KIRREL3: variants seen among roughly 807,000 people sequenced by gnomAD.
KIRREL3 encodes kirre like nephrin family adhesion molecule 3, also known as kin of IRRE-like protein 3.
In KIRREL3, 36 loss-of-function variants were observed where a neutral mutation model predicts 89.7. The ratio of observed to expected loss-of-function variants is 0.40; its 90% CI spans 0.31 to 0.53. KIRREL3 has a LOEUF of 0.53. Ranked by LOEUF, KIRREL3 falls within the 20% of genes least tolerant of loss-of-function variation. KIRREL3 has a pLI of 0.49. For synonymous variants in KIRREL3, 445 were observed against 441.4 expected, an observed-to-expected ratio of 1.01 and a Z score of -0.10; for missense variants, 864 against 1,056.6, an observed-to-expected ratio of 0.82 and a Z score of 2.53.
rs1240973790 is a variant in KIRREL3, at chr11:126,424,218, C to T, written c.*362G>A. The T allele has an allele frequency of 3.1e-6, 1 of 327,462 alleles. No homozygotes were observed. The highest frequency in any genetic ancestry group is 2.1e-5 in the African/African-American group (1 of 47,746). The allele number at this position is 327,462 out of a possible 1,614,324, so 20.3% of individuals were successfully genotyped here. ...CGAGGGGTAGAGCCCACAGAGAGACCAGAGAGTGGACCGCAGTTTCATGAA... is the reference window on the plus strand; with the variant it reads ...CGAGGGGTAGAGCCCACAGAGAGACTAGAGAGTGGACCGCAGTTTCATGAA... On this transcript the variant is annotated 3_prime_UTR_variant, in exon 17 of 17. Transcript: ENST00000525144.
intron 6 of KIRREL3, among the ~76,000 whole-genome samples, chr11:126,457,467 A>C (rs993736839): frequency 6.6e-6 from 1 of 150,470 alleles, no homozygotes; most frequent in Non-Finnish European, 1.5e-5. Context: ...ACATGTGTAT[A>C]TGTGTGTATG....
At chr11:127,000,817 C>T (rs1565491591), upstream of KIRREL3, 12 of 485,066 alleles carry the variant, frequency 2.5e-5, no homozygotes, top group Admixed American at 3.7e-5. This position sits in a 1 kb window ranked among gnomAD's most constrained non-coding sequence, Gnocchi z 7.1. Flanking sequence ...GGGCTCCTCC[C>T]ACAGTGAGCG....
rs375828094 is a variant in KIRREL3, at chr11:126,733,012, A to T, written c.56-170100T>A. The stretch of plus-strand genomic sequence containing the variant: ...GGAAGATTGGTTCCCATTGTGAATA[A>T]GGAAAAAATGAGTCCTGGGGTTCTG... On this transcript the variant is annotated intron_variant, in intron 1 of 16. Coordinates refer to ENST00000525144, the MANE Select transcript of KIRREL3 (RefSeq NM_032531.4). Among the ~76,000 whole-genome samples the T allele has an allele frequency of 4.6e-5, 7 of 152,392 alleles. No homozygotes were observed. In the South Asian group the frequency reaches 1.4e-3, roughly 32 times the overall value.
chr11:126,617,890 A>T (rs1943416756), intron 1 of KIRREL3, among the ~76,000 whole-genome samples: 1 of 152,216 alleles, frequency 6.6e-6, no homozygotes, highest in African/African-American at 2.4e-5. Context: ...TGAACATGTG[A>T]ATCTCAGAGG....
chr11:126,923,056 T>C (rs1947418881), intron 1 of KIRREL3, among the ~76,000 whole-genome samples: 1 of 152,198 alleles, frequency 6.6e-6, no homozygotes, highest in African/African-American at 2.4e-5. Flanking sequence ...CCTCCTTCTC[T>C]GGATGTTTCT....
intron 1 of KIRREL3, among the ~76,000 whole-genome samples, chr11:126,613,910 C>A (rs1004299436): frequency 1.1e-4 from 12 of 113,488 alleles, no homozygotes; most frequent in African/African-American, 4.2e-4. Context: ...TTCCCCATAG[C>A]CTTTATCTAG....
intron 1 of KIRREL3, among the ~76,000 whole-genome samples, chr11:126,784,767 T>C (rs985373635): frequency 4.6e-5 from 7 of 152,216 alleles, no homozygotes; most frequent in African/African-American, 1.4e-4. Flanking sequence ...TTGGTAGTCC[T>C]ACGGTCAGAC....
intron 1 of KIRREL3, among the ~76,000 whole-genome samples, chr11:126,800,686 C>T (rs764590609): frequency 9.2e-5 from 14 of 152,162 alleles, no homozygotes; most frequent in Non-Finnish European, 2.1e-4. Flanking sequence ...CTTTCAGCTG[C>T]ATTAGTGAGG....
chr11:126,477,901 T>G lies in KIRREL3; in HGVS notation c.434-4435A>C, dbSNP rs1022153158. On this transcript the variant is annotated intron_variant, in intron 4 of 16. Coordinates refer to ENST00000525144, the MANE Select transcript of KIRREL3 (RefSeq NM_032531.4). The surrounding 1 kb of genome is among the most constrained non-coding windows in gnomAD (Gnocchi z 4.8). ...AGAACCTCATAGACACCCAGCCCTT[T>G]GGAGAGCAAGACTGGTTCTCATTTG... Among the ~76,000 whole-genome samples, 9 of 152,332 alleles carry G rather than the reference T, an allele frequency of 5.9e-5. No homozygotes were observed. Among genetic ancestry groups the G allele is most frequent in the Admixed American group, 4.6e-4 (7 of 15,306 alleles).
At chr11:126,846,224 A>G (rs1010964496) in intron 1 of KIRREL3, among the ~76,000 whole-genome samples, 2 of 152,134 alleles carry the variant, frequency 1.3e-5, no homozygotes, top group East Asian at 3.9e-4. Flanking sequence ...GGAGATCTGT[A>G]TTGCCTTCCA....
rs553635579 is a variant in KIRREL3 at position 126,682,713 on chromosome 11, C to T, written c.56-119801G>A. Among the ~76,000 whole-genome samples, 8 of 152,188 alleles carry T rather than the reference C, an allele frequency of 5.3e-5. No individual in the cohort carries two copies. Among genetic ancestry groups the T allele is most frequent in the South Asian group, 2.1e-4 (1 of 4,806 alleles). On this transcript the variant is annotated intron_variant, in intron 1 of 16. Coordinates refer to ENST00000525144, the MANE Select transcript of KIRREL3 (RefSeq NM_032531.4). The surrounding 1 kb of genome is among the most constrained non-coding windows in gnomAD (Gnocchi z 4.8). ...GCACACAGCCTAGATCCATCACATG[C>T]GCAGTTCACAACAGGGCTGGTGCTC...
chr11:126,869,497 T>C (rs999656856), intron 1 of KIRREL3, among the ~76,000 whole-genome samples: 3 of 152,178 alleles, frequency 2.0e-5, no homozygotes, highest in South Asian at 4.1e-4. Flanking sequence ...TGGTAGTCTT[T>C]AATAATTGAA....
chr11:126,446,750 C>G lies in KIRREL3; in HGVS notation c.1125+9G>C, dbSNP rs1340950557. ...CAGAGGTGCCCCGAGGTCTGAGCTG[C>G]AGCCTCACCACTCCGGAGCCCCGCT... On this transcript the variant is annotated intron_variant, in intron 9 of 16. Transcript: ENST00000525144. The G allele has an allele frequency of 1.3e-6, 2 of 1,596,264 alleles. No individual in the cohort carries two copies. Among genetic ancestry groups the G allele is most frequent in the African/African-American group, 2.7e-5 (2 of 74,720 alleles).
At chr11:126,857,049 C>T (rs1447882440) in intron 1 of KIRREL3, among the ~76,000 whole-genome samples, 2 of 152,230 alleles carry the variant, frequency 1.3e-5, no homozygotes, top group East Asian at 3.9e-4. Context: ...CATTTACGTG[C>T]ACCTATGAGG....
chr11:126,850,507 A>C (rs1944305678), intron 1 of KIRREL3, among the ~76,000 whole-genome samples: 1 of 152,140 alleles, frequency 6.6e-6, no homozygotes, highest in Non-Finnish European at 1.5e-5. Flanking sequence ...AGGTTCTCCC[A>C]ACTCCTCCTC....
chr11:126,983,970 ATAAT>A lies in KIRREL3; in HGVS notation c.55+16481_55+16484del, dbSNP rs1305160201. Among the ~76,000 whole-genome samples the A allele has an allele frequency of 6.6e-6, 1 of 152,190 alleles. No homozygotes were observed. Among genetic ancestry groups the A allele is most frequent in the Non-Finnish European group, 1.5e-5 (1 of 68,046 alleles). On this transcript the variant is annotated intron_variant, in intron 1 of 16. Transcript: ENST00000525144. The surrounding 1 kb of genome is among the most constrained non-coding windows in gnomAD (Gnocchi z 4.9). ...TAGTATCATTTTAGATGCATAGGAA[ATAAT>A]TTAATTCATTGCATGTAATGGATGC... is the stretch of plus-strand genomic sequence containing the variant.
Position 126,444,997 on chromosome 11 carries a change from C to T in KIRREL3, c.1234G>A (p.Val412Met). The T allele has an allele frequency of 6.2e-7, 1 of 1,613,762 alleles. No individual in the cohort carries two copies. The highest frequency in any genetic ancestry group is 8.5e-7 in the Non-Finnish European group (1 of 1,179,798). Reference sequence around the variant, plus strand: ...GTCTTACCATTGACGGTCAGGGTCACCTCTCTCTCCCCGGCTCCCACACGG... The same window carrying T: ...GTCTTACCATTGACGGTCAGGGTCATCTCTCTCTCCCCGGCTCCCACACGG... ...VPRVGAGERE[V>M]TLTVNGPPII... Residue 412 changes from valine to methionine, a missense_variant, in exon 10 of 17, where the codon GTG becomes ATG. By Grantham distance (21) the Val-to-Met change is conservative (BLOSUM62 1). Coordinates refer to ENST00000525144, the MANE Select transcript of KIRREL3 (RefSeq NM_032531.4).
At chr11:126,596,493 G>C (rs1289324466) in intron 1 of KIRREL3, among the ~76,000 whole-genome samples, 1 of 152,236 alleles carries the variant, frequency 6.6e-6, no homozygotes, top group African/African-American at 2.4e-5. Context: ...CCTTCTGAAG[G>C]GGGGAAGGTA....
rs1949179914 is a variant in KIRREL3, at chr11:126,747,148, T to C, written c.56-184236A>G. Among the ~76,000 whole-genome samples the C allele has an allele frequency of 6.6e-6, 1 of 152,184 alleles. No individual in the cohort carries two copies. The highest frequency in any genetic ancestry group is 2.4e-5 in the African/African-American group (1 of 41,440). ...GTAGCTAACTTGTTTTCCTTCCCCA[T>C]CAAATGAGCAAGTTGGCCTCATAGC... On this transcript the variant is annotated intron_variant, in intron 1 of 16. Transcript: ENST00000525144. This position sits in a 1 kb window ranked among gnomAD's most constrained non-coding sequence, Gnocchi z 4.7.
Sources: gnomAD v4.1 joint callset for allele counts (sites outside exome capture counted in the v4.1 genomes callset) on GRCh38, gnomAD v4.1.1 for gene constraint, Gnocchi (gnomAD v3.1) non-coding constraint, MANE v1.5 for transcripts, NCBI Gene and HGNC (gene_info 2026-07-23, HGNC 2026-07-21) for gene names.